The following BEGAIN variants were observed in gnomAD, a reference collection of about 807,000 sequenced individuals.
BEGAIN encodes brain-enriched guanylate kinase-associated protein.
In BEGAIN, 19 loss-of-function variants were observed where a neutral mutation model predicts 35.8. The observed-to-expected ratio is 0.53, with a 90% confidence interval of 0.37 to 0.78. The LOEUF (loss-of-function observed/expected upper bound fraction) is 0.78, where lower values mean the gene tolerates loss of function less well. BEGAIN is among the 30% of genes least tolerant of loss of function. BEGAIN has a pLI of 0.00. For missense variants in BEGAIN, 795 were observed against 853.6 expected (o/e 0.93, Z 0.85); for synonymous variants, 462 against 388.6 (o/e 1.19, Z -2.22).
In BEGAIN at chr14:100,580,989, G is replaced by A. The variant is rs370730124; in HGVS notation, c.42+6260C>T. Among the ~76,000 whole-genome samples, 75 of 152,194 alleles carry A rather than the reference G, an allele frequency of 4.9e-4. No homozygotes were observed. The East Asian group carries it at 0.011, about 22-fold the overall frequency. The stretch of plus-strand genomic sequence containing the variant: ...CCCCGACAGTCGCCCCTCTACACCC[G>A]GACAGCCCTTCCCCAGCAGCAGCCG... On this transcript the variant is annotated intron_variant, in intron 1 of 6. Transcript: ENST00000554140.
At chr14:100,569,852 C>T (rs1377565511) in intron 1 of BEGAIN, 1 of 154,500 alleles carries the variant, frequency 6.5e-6, no homozygotes, top group Non-Finnish European at 1.5e-5. Context: ...GGAAAACCCC[C>T]TCCGCCCCCC....
chr14:100,562,946 A>AATCC (rs1466863116), intron 2 of BEGAIN, among the ~76,000 whole-genome samples: 2 of 138,128 alleles, frequency 1.4e-5, no homozygotes, highest in Non-Finnish European at 3.0e-5. Flanking sequence ...ATGCGTGTGG[A>AATCC]ATCCATGATC....
intron 1 of BEGAIN, among the ~76,000 whole-genome samples, chr14:100,572,656 T>A (rs1396324521): frequency 6.6e-6 from 1 of 152,158 alleles, no homozygotes; most frequent in East Asian, 1.9e-4. Context: ...TCTCCGCAGC[T>A]GTGGGACCTT....
Position 100,538,412 on chromosome 14 carries a change from G to A in BEGAIN, c.1396C>T (p.Arg466Cys). 1.3e-6 allele frequency: 2 copies of A among 1,578,872 alleles called. No individual in the cohort carries two copies. Among genetic ancestry groups the A allele is most frequent in the Non-Finnish European group, 1.7e-6 (2 of 1,166,338 alleles). Residue 466 changes from arginine (R) to cysteine (C), a missense_variant, in exon 7 of 7, where the codon CGC (arginine) becomes TGC (cysteine). Around this residue, in one of 3 missense-constraint regions of BEGAIN, gnomAD observed 664 missense variants for 647.7 expected, o/e 1.03. Coordinates refer to ENST00000554140, the MANE Select transcript of BEGAIN (RefSeq NM_001385089.1). ...GRASPCSFSE[R>C]YYGGAGGSPG... ...CTGCCCCCGGCCCCGCCGTAGTAGC[G>A]TTCAGAGAAGCTGCAGGGTGAGGCG...
Position 100,546,646 on chromosome 14 carries a change from T to C in BEGAIN, c.88A>G (p.Lys30Glu). The C allele has an allele frequency of 6.4e-7, 1 of 1,571,518 alleles. No individual in the cohort carries two copies. Among genetic ancestry groups the C allele is most frequent in the Non-Finnish European group, 8.6e-7 (1 of 1,164,240 alleles). ...MEKLSALQEQ[K>E]GELRKRLSYT... ...GACAGCCGCTTGCGCAGCTCGCCCT[T>C]CTGCTCCTGCAGCGCGCTGCAACGA... The change falls in exon 3 of 7, where the codon AAG becomes GAG. Residue 30 changes from lysine to glutamate, a missense_variant. Physicochemically the swap from Lys to Glu is moderately conservative, Grantham distance 56 (BLOSUM62 1). Coordinates refer to ENST00000554140, the MANE Select transcript of BEGAIN (RefSeq NM_001385089.1).
intron 5 of BEGAIN, 112 bp from the exon 6 acceptor site, chr14:100,540,691 G>A (rs753705029): frequency 6.7e-6 from 5 of 748,064 alleles, no homozygotes; most frequent in Non-Finnish European, 9.0e-6. Flanking sequence ...CCTGCTGTGC[G>A]CTCAGCAGGA....
In BEGAIN at chr14:100,587,301, C is replaced by A. The variant is rs1191929065; in HGVS notation, c.-11G>T. 2 of 156,562 alleles carry A rather than the reference C, an allele frequency of 1.3e-5. No individual in the cohort carries two copies. Among genetic ancestry groups the A allele is most frequent in the East Asian group, 3.7e-4 (2 of 5,336 alleles). 9.7% of individuals were successfully genotyped at this position (156,562 alleles called of 1,614,324 possible). On this transcript the variant is annotated 5_prime_UTR_variant, in exon 1 of 7. Transcript: ENST00000554140. ...ACCGCCAGTCCACATGGCCCCAGGGCAGCCGCGCCGCTCACCGCCGCCGCC... is the reference window on the plus strand; with the variant it reads ...ACCGCCAGTCCACATGGCCCCAGGGAAGCCGCGCCGCTCACCGCCGCCGCC...
chr14:100,539,556 C>T (rs1290807898), intron 6 of BEGAIN, among the ~76,000 whole-genome samples: 3 of 152,268 alleles, frequency 2.0e-5, no homozygotes, highest in African/African-American at 7.2e-5. Context: ...CCTCTCCCCA[C>T]CCCACTCTGA....
rs147714240 is a variant in BEGAIN, at chr14:100,544,951, C to T, written c.300+49G>A. 6,899 of 1,589,604 alleles carry T rather than the reference C, an allele frequency of 4.3e-3. 19 individuals carry two copies. The highest frequency in any genetic ancestry group is 5.0e-3 in the Non-Finnish European group (5,819 of 1,166,460). ...GGGGTGTCAGCTGGGTGGCTCCCCC[C>T]GGGAAGGAGGTGTGGGGTGGGGGAG... On this transcript the variant is annotated intron_variant, in intron 4 of 6. Coordinates refer to ENST00000554140, the MANE Select transcript of BEGAIN (RefSeq NM_001385089.1).
In BEGAIN at chr14:100,568,314, G is replaced by A; in HGVS notation, c.43-375C>T. ...CGGCCGCGGCCCCGCTGCTCCCCCC[G>A]CCCCGCCCGTTAACCCTTCCTGCCC... On this transcript the variant is annotated intron_variant, in intron 1 of 6. Coordinates refer to ENST00000554140, the MANE Select transcript of BEGAIN (RefSeq NM_001385089.1). This position sits in a 1 kb window ranked among gnomAD's most constrained non-coding sequence, Gnocchi z 7.5. 1 of 181,740 alleles carries A rather than the reference G, an allele frequency of 5.5e-6. No homozygotes were observed. The highest frequency in any genetic ancestry group is 1.1e-5 in the Non-Finnish European group (1 of 92,988). The allele number at this position is 181,740 out of a possible 1,614,324, so 11.3% of individuals were successfully genotyped here.
chr14:100,548,296 A>AG (rs5811001), intron 2 of BEGAIN: 85,243 of 151,986 alleles, frequency 0.56, 27,547 homozygotes, highest in African/African-American at 0.89. Flanking sequence ...GCTGCTTCCC[A>AG]CACAGACCTG....
At chr14:100,560,097 G>A (rs1281102099) in intron 2 of BEGAIN, among the ~76,000 whole-genome samples, 1 of 152,196 alleles carries the variant, frequency 6.6e-6, no homozygotes, top group Non-Finnish European at 1.5e-5. Context: ...GAGAGGGTGG[G>A]TGGCTGAGCA....
rs1052042599 is a variant in BEGAIN, at chr14:100,558,302, C to T, written c.71+9609G>A. 2.0e-5 allele frequency among the ~76,000 whole-genome samples: 3 copies of T among 152,300 alleles called. No individual in the cohort carries two copies. Among genetic ancestry groups the T allele is most frequent in the Admixed American group, 6.5e-5 (1 of 15,300 alleles). ...TGTCACCGAACTGGTCCTGTCTCAGCCTTCACCTGACCTGCGCCCTCAGCA... is the reference window on the plus strand; with the variant it reads ...TGTCACCGAACTGGTCCTGTCTCAGTCTTCACCTGACCTGCGCCCTCAGCA... On this transcript the variant is annotated intron_variant, in intron 2 of 6. Transcript: ENST00000554140. This position sits in a 1 kb window ranked among gnomAD's most constrained non-coding sequence, Gnocchi z 4.6.
intron 1 of BEGAIN, among the ~76,000 whole-genome samples, chr14:100,582,793 A>G (rs965039720): frequency 1.3e-5 from 2 of 152,012 alleles, no homozygotes; most frequent in Non-Finnish European, 2.9e-5. Context: ...CGGGCCTGGA[A>G]AGGCCAAATA....
rs113621404 is a variant in BEGAIN, at chr14:100,576,507, C to A, written c.43-8568G>T. ...CCCGGAATTCATCCTCAGAACAGAC[C>A]CCCTCCCGGCAGGAAAGCCTTCCTG... On this transcript the variant is annotated intron_variant, in intron 1 of 6. Transcript: ENST00000554140. Among the ~76,000 whole-genome samples, 31 of 152,326 alleles carry A rather than the reference C, an allele frequency of 2.0e-4. 1 individual carries two copies. The highest frequency in any genetic ancestry group is 1.0e-3 in the Admixed American group (16 of 15,310).
chr14:100,558,722 C>T lies in BEGAIN; in HGVS notation c.71+9189G>A, dbSNP rs1209059851. On this transcript the variant is annotated intron_variant, in intron 2 of 6. Coordinates refer to ENST00000554140, the MANE Select transcript of BEGAIN (RefSeq NM_001385089.1). The surrounding 1 kb of genome is among the most constrained non-coding windows in gnomAD (Gnocchi z 4.6). ...TTGACTCCTCTCTTTCTCTCCCCAT[C>T]CTTCCCAGGGTATACCAGGAGCCTC... Among the ~76,000 whole-genome samples the T allele has an allele frequency of 4.6e-5, 7 of 152,240 alleles. No homozygotes were observed. The East Asian group carries it at 1.3e-3, about 29-fold the overall frequency.
intron 1 of BEGAIN, among the ~76,000 whole-genome samples, chr14:100,571,349 C>T (rs909538445): frequency 1.3e-5 from 2 of 152,168 alleles, no homozygotes; most frequent in Non-Finnish European, 2.9e-5. Context: ...CTGTGGAGCT[C>T]CCAGCTGCCT....
At chr14:100,562,248 C>T (rs1392110129) in intron 2 of BEGAIN, among the ~76,000 whole-genome samples, 4 of 152,038 alleles carry the variant, frequency 2.6e-5, no homozygotes, top group Non-Finnish European at 4.4e-5. Context: ...GCCAGGTGGC[C>T]AGCCCCATCC....
chr14:100,570,562 G>A (rs2035047599), intron 1 of BEGAIN, among the ~76,000 whole-genome samples: 2 of 152,254 alleles, frequency 1.3e-5, no homozygotes, highest in Non-Finnish European at 1.5e-5. Context: ...ACAGGACTCT[G>A]TGTCCCAGCT....
Sources: allele counts gnomAD v4.1 joint callset (sites outside exome capture counted in the v4.1 genomes callset), GRCh38; gene constraint gnomAD v4.1.1; regional missense constraint gnomAD v4.1.1; non-coding constraint Gnocchi (gnomAD v3.1); transcripts MANE v1.5; gene names NCBI Gene and HGNC (gene_info 2026-07-23, HGNC 2026-07-21).